Variants in KRT86 observed in about 807,000 individuals in gnomAD.
KRT86 encodes keratin, type II cuticular Hb6.
In KRT86, 30 loss-of-function variants were observed where a neutral mutation model predicts 41.2. The ratio of observed to expected loss-of-function variants is 0.73; its 90% CI spans 0.54 to 0.99. The LOEUF is 0.99. KRT86 is among the 50% of genes least tolerant of loss of function. KRT86 has a pLI of 0.00. For missense variants in KRT86, 561 were observed against 571.4 expected, an observed-to-expected ratio of 0.98 and a Z score of 0.19; for synonymous variants, 238 against 238.1, an observed-to-expected ratio of 1.00 and a Z score of 0.00.
chr12:52,291,204 G>T, intron 2 of KRT86: 1 of 1,403,296 alleles, frequency 7.1e-7, no homozygotes, highest in Non-Finnish European at 9.6e-7. Context: ...AGGGGCGTGA[G>T]GAGGCTCTCG....
intron 2 of KRT86, among the ~76,000 whole-genome samples, chr12:52,297,942 C>T (rs80227010): frequency 6.6e-6 from 1 of 152,196 alleles, no homozygotes; most frequent in African/African-American, 2.4e-5. Flanking sequence ...CCTCTGGCTA[C>T]TGACCAATCA....
At chr12:52,286,860 C>T (rs764846224) in intron 2 of KRT86, 6 of 1,611,586 alleles carry the variant, frequency 3.7e-6, no homozygotes, top group Non-Finnish European at 5.1e-6. Flanking sequence ...TTAGTGACTG[C>T]CCCAGAGTGG....
chr12:52,301,824 G>A, intron 2 of KRT86, 89 bp from the exon 3 acceptor site: 2 of 1,612,738 alleles, frequency 1.2e-6, no homozygotes, highest in East Asian at 2.2e-5. Flanking sequence ...GGCCTACAGA[G>A]GTGCAAGTAG....
chr12:52,295,703 T>A (rs1938233698), intron 2 of KRT86, among the ~76,000 whole-genome samples: 1 of 152,228 alleles, frequency 6.6e-6, no homozygotes, highest in Non-Finnish European at 1.5e-5. Flanking sequence ...TACAAATGTT[T>A]TCTTCGTGGA....
rs112065800 is a variant in KRT86, at chr12:52,307,461, C to T, written c.1248-772C>T. ...TGATGGTGGCCATGGCTTCTCTTATCTGAAGCTGATTTAACCAATCCTTGG... is the reference window on the plus strand; with the variant it reads ...TGATGGTGGCCATGGCTTCTCTTATTTGAAGCTGATTTAACCAATCCTTGG... On this transcript the variant is annotated intron_variant, in intron 9 of 10. Coordinates refer to ENST00000423955, the MANE Select transcript of KRT86 (RefSeq NM_001320198.2). Among the ~76,000 whole-genome samples, 359 of 152,326 alleles carry T rather than the reference C, an allele frequency of 2.4e-3. 2 individuals carry two copies. Among genetic ancestry groups the T allele is most frequent in the African/African-American group, 8.0e-3 (334 of 41,562 alleles).
rs1288975471 is a variant in KRT86, at chr12:52,302,193, C to A, written c.277C>A (p.Leu93Met). 3.0e-6 allele frequency: 4 copies of A among 1,324,140 alleles called. No homozygotes were observed. In the Admixed American group the frequency reaches 6.7e-5, roughly 22 times the overall value. The allele number at this position is 1,324,140 out of a possible 1,614,324, so 82.0% of individuals were successfully genotyped here. Reference sequence around the variant, plus strand: ...CGAGAGCCTCCTCACGCCCCTCAACCTGGAGATCGACCCCAACGCGCAGTG... The same window carrying A: ...CGAGAGCCTCCTCACGCCCCTCAACATGGAGATCGACCCCAACGCGCAGTG... ...VNESLLTPLN[L>M]EIDPNAQCVK... The change falls in exon 3 of 11, where the codon CTG becomes ATG. Residue 93 changes from leucine to methionine, a missense_variant. Leu to Met is a conservative substitution (Grantham distance 15). This residue lies in a region of KRT86 where 164 missense variants were observed against 172.5 expected (regional missense o/e 0.95). Coordinates refer to ENST00000423955, the MANE Select transcript of KRT86 (RefSeq NM_001320198.2).
At chr12:52,285,746 A>G (rs1225515976) in intron 2 of KRT86, among the ~76,000 whole-genome samples, 47 of 152,176 alleles carry the variant, frequency 3.1e-4, no homozygotes, top group Non-Finnish European at 5.9e-5. Context: ...TACATCAAAT[A>G]GGGGCCTAGC....
At chr12:52,278,151 A>G (rs1422634076) in intron 2 of KRT86, among the ~76,000 whole-genome samples, 1 of 152,204 alleles carries the variant, frequency 6.6e-6, no homozygotes, top group Non-Finnish European at 1.5e-5. Context: ...ACAGTAGGAG[A>G]CAAGGGCTGT....
In KRT86 at chr12:52,291,264, C is replaced by T. The variant is rs777332682; in HGVS notation, c.-4-10649C>T. On this transcript the variant is annotated intron_variant, in intron 2 of 10. Transcript: ENST00000423955. ...GGGGGACTGGGCCCGCACACGCCCC[C>T]GGAGCGGTAGCCGAAGCTGCGTCCG... The T allele has an allele frequency of 1.9e-5, 29 of 1,528,782 alleles. No individual in the cohort carries two copies. The African/African-American group carries it at 2.5e-4, about 13-fold the overall frequency. The allele number at this position is 1,528,782 out of a possible 1,614,324, so 94.7% of individuals were successfully genotyped here.
At chr12:52,296,850 G>A (rs1938262538) in intron 2 of KRT86, among the ~76,000 whole-genome samples, 1 of 152,214 alleles carries the variant, frequency 6.6e-6, no homozygotes, top group African/African-American at 2.4e-5. Flanking sequence ...ATGGCCCTCT[G>A]GAGACCTGTA....
chr12:52,287,578 C>G (rs111635510), intron 2 of KRT86: 467 of 1,613,880 alleles, frequency 2.9e-4, no homozygotes, highest in African/African-American at 2.5e-3. Flanking sequence ...TCTGACCTTG[C>G]GCACAGATGC....
At chr12:52,284,854 A>T (rs1718851359) in intron 2 of KRT86, among the ~76,000 whole-genome samples, 1 of 151,962 alleles carries the variant, frequency 6.6e-6, no homozygotes, top group South Asian at 2.1e-4. Flanking sequence ...CCCTTCCCCT[A>T]CCTCGTCAGT....
At chr12:52,305,598 C>G (rs1938491769) in intron 7 of KRT86, 65 bp from the exon 8 acceptor site, 1 of 1,613,476 alleles carries the variant, frequency 6.2e-7, no homozygotes, top group East Asian at 2.2e-5. Context: ...GCAAAATCAT[C>G]TGTCATGCCC....
Position 52,304,962 on chromosome 12 carries a change from G to A in KRT86, c.670G>A (p.Asp224Asn). ...DVDCAYLRKS[D>N]LEANVEALIQ... is the part of the protein sequence containing the mutation. ...GGACTGCGCCTACCTCCGCAAATCAGACCTGGAGGCCAATGTGGAGGCCCT... is the reference window on the plus strand; with the variant it reads ...GGACTGCGCCTACCTCCGCAAATCAAACCTGGAGGCCAATGTGGAGGCCCT... Residue 224 changes from aspartate to asparagine, a missense_variant, in exon 6 of 11, where the codon GAC becomes AAC. Physicochemically the swap from Asp to Asn is conservative, Grantham distance 23. Transcript: ENST00000423955. The A allele has an allele frequency of 1.2e-6, 2 of 1,614,166 alleles. No individual in the cohort carries two copies.
chr12:52,308,655 C>A lies in KRT86; in HGVS notation c.*70C>A. On this transcript the variant is annotated 3_prime_UTR_variant, in exon 11 of 11. Coordinates refer to ENST00000423955, the MANE Select transcript of KRT86 (RefSeq NM_001320198.2). ...CAGCCAGTACCTCGCGCCACCAGAA[C>A]GCGCCGCCCGCGCCGGCCTCCCAAT... 6.9e-7 allele frequency: 1 copy of A among 1,447,814 alleles called. No individual in the cohort carries two copies. Among genetic ancestry groups the A allele is most frequent in the Non-Finnish European group, 9.4e-7 (1 of 1,061,360 alleles). 89.7% of individuals were successfully genotyped at this position (1,447,814 alleles called of 1,614,324 possible).
At chr12:52,279,305 C>T (rs7303017) in intron 2 of KRT86, 40,186 of 152,358 alleles carry the variant, frequency 0.26, 6,010 homozygotes, top group East Asian at 0.39. Context: ...TGTCAGATGC[C>T]CCCTCCCATA....
intron 2 of KRT86, among the ~76,000 whole-genome samples, chr12:52,293,369 A>G (rs190579137): frequency 7.3e-4 from 111 of 152,318 alleles, no homozygotes; most frequent in African/African-American, 2.5e-3. Flanking sequence ...CTGGTAAGTG[A>G]TGGAGCCAGG....
rs376127132 is a variant in KRT86 at position 52,305,740 on chromosome 12, C to T, written c.978C>T (p.Asn326=). The T allele has an allele frequency of 2.2e-5, 35 of 1,614,078 alleles. No homozygotes were observed. The highest frequency in any genetic ancestry group is 2.8e-5 in the Non-Finnish European group (33 of 1,179,924). Residue 326 remains asparagine (N), a synonymous_variant, in exon 8 of 11, where the codon AAC becomes AAT. Transcript: ENST00000423955. The part of the protein sequence containing the change: ...RRTKEEINEL[N]RMIQRLTAEV... ...CCAAGGAGGAGATCAACGAGCTGAA[C>T]CGCATGATCCAGAGGCTGACGGCTG...
chr12:52,287,214 T>C, intron 2 of KRT86: 7 of 1,614,008 alleles, frequency 4.3e-6, no homozygotes, highest in Non-Finnish European at 5.9e-6. Context: ...ATGTCCTGCT[T>C]GGCCTTCTGC....
Sources: gnomAD v4.1 joint callset for allele counts (sites outside exome capture counted in the v4.1 genomes callset) on GRCh38, gnomAD v4.1.1 for gene constraint, gnomAD v4.1.1 regional missense constraint, MANE v1.5 for transcripts, NCBI Gene and HGNC (gene_info 2026-07-23, HGNC 2026-07-21) for gene names.